The following FGF14 variants were observed in gnomAD, a reference collection of about 807,000 sequenced individuals.
The protein encoded by FGF14 is fibroblast growth factor 14, also known as fibroblast growth factor homologous factor 4.
A neutral mutation model predicts 25.5 loss-of-function variants in FGF14; 5 were observed. The ratio of observed to expected loss-of-function variants is 0.20; its 90% CI spans 0.10 to 0.41. The LOEUF is 0.41. FGF14 is among the 10% of genes least tolerant of loss of function. The pLI is 1.00. For missense variants in FGF14, 222 were observed against 320.1 expected, an observed-to-expected ratio of 0.69 and a Z score of 2.34; for synonymous variants, 138 against 118.3, an observed-to-expected ratio of 1.17 and a Z score of -1.08.
intron 3 of FGF14, among the ~76,000 whole-genome samples, chr13:101,855,235 C>T (rs1003631322): frequency 6.6e-6 from 1 of 152,016 alleles, no homozygotes; most frequent in African/African-American, 2.4e-5. Context: ...GGGTTTCCTA[C>T]TTTTGCACAA....
At chr13:102,137,510 G>A (rs948218252) in intron 1 of FGF14, among the ~76,000 whole-genome samples, 7 of 152,150 alleles carry the variant, frequency 4.6e-5, no homozygotes, top group African/African-American at 1.7e-4. Context: ...TTTAAACTTA[G>A]ATGAGGAATC....
At chr13:102,155,560 G>C (rs1266246663) in intron 1 of FGF14, among the ~76,000 whole-genome samples, 1 of 151,842 alleles carries the variant, frequency 6.6e-6, no homozygotes, top group Non-Finnish European at 1.5e-5. Context: ...AGAGAAAGCA[G>C]GAAAGATCTA....
chr13:102,189,162 CTG>C, intron 1 of FGF14, among the ~76,000 whole-genome samples: 1 of 151,598 alleles, frequency 6.6e-6, no homozygotes, highest in Non-Finnish European at 1.5e-5. Context: ...ACTCTGGAAA[CTG>C]TGAGAATGCT....
intron 1 of FGF14, among the ~76,000 whole-genome samples, chr13:102,080,778 G>T (rs1463401678): frequency 6.6e-6 from 1 of 152,180 alleles, no homozygotes; most frequent in Admixed American, 6.5e-5. Flanking sequence ...TGTTCTGTGG[G>T]AATAATCTAA....
intron 3 of FGF14, among the ~76,000 whole-genome samples, chr13:101,797,981 A>G (rs1430871997): frequency 6.6e-6 from 1 of 152,132 alleles, no homozygotes; most frequent in Non-Finnish European, 1.5e-5. Flanking sequence ...AGTAAATGGT[A>G]AGATTTGAAA....
chr13:102,098,363 T>C (rs1054220633), intron 1 of FGF14, among the ~76,000 whole-genome samples: 7 of 152,236 alleles, frequency 4.6e-5, no homozygotes, highest in Non-Finnish European at 1.0e-4. Context: ...TCTCTTAAGA[T>C]TTGTATCTTA....
chr13:101,908,620 G>A (rs1421475287), intron 1 of FGF14, among the ~76,000 whole-genome samples: 1 of 152,122 alleles, frequency 6.6e-6, no homozygotes. Context: ...AACATTCCAT[G>A]CTCATGGGTA....
chr13:101,938,290 A>AAATCCATTG (rs1370166994), intron 1 of FGF14, among the ~76,000 whole-genome samples: 10 of 152,232 alleles, frequency 6.6e-5, no homozygotes, highest in African/African-American at 2.4e-4. Flanking sequence ...ACAACAAAAA[A>AAATCCATTG]AATCCATTGG....
At chr13:102,364,501 C>T (rs1011043383) in intron 1 of FGF14, among the ~76,000 whole-genome samples, 6 of 152,172 alleles carry the variant, frequency 3.9e-5, no homozygotes, top group African/African-American at 1.4e-4. Flanking sequence ...TAGCTCTTCA[C>T]TATTTCATGC....
intron 3 of FGF14, among the ~76,000 whole-genome samples, chr13:101,754,652 C>G (rs2037522294): frequency 6.6e-6 from 1 of 152,028 alleles, no homozygotes; most frequent in South Asian, 2.1e-4. Context: ...TTGCTTGAAC[C>G]TGGGAGGCGG....
In FGF14 at chr13:102,108,091, TCATTA is replaced by T. The variant is rs2045018393; in HGVS notation, c.209-232800_209-232796del. Among the ~76,000 whole-genome samples, 3 of 152,246 alleles carry T rather than the reference TCATTA, an allele frequency of 2.0e-5. No individual in the cohort carries two copies. The South Asian group carries it at 6.2e-4, about 31-fold the overall frequency. ...TTATATTTAATAACTTATGAAATAGTCATTAAATAGGAGTTTAGTAAATATGATTA... is the reference window on the plus strand; with the variant it reads ...TTATATTTAATAACTTATGAAATAGTAATAGGAGTTTAGTAAATATGATTA... On this transcript the variant is annotated intron_variant, in intron 1 of 4. Transcript: ENST00000376131.
rs557970681 is a variant in FGF14 at position 102,276,196 on chromosome 13, A to G, written c.208+125275T>C. Among the ~76,000 whole-genome samples the G allele has an allele frequency of 3.3e-5, 5 of 151,280 alleles. 1 individual carries two copies. In the South Asian group the frequency reaches 1.0e-3, roughly 32 times the overall value. ...TAATTCTGAGATAATGTAAGTGAAA[A>G]CCATTGCACAGATGAAATCTCAGTC... On this transcript the variant is annotated intron_variant, in intron 1 of 4. Coordinates refer to the FGF14 transcript ENST00000376131.
At chr13:102,370,879 A>G (rs2057860412) in intron 1 of FGF14, among the ~76,000 whole-genome samples, 1 of 151,820 alleles carries the variant, frequency 6.6e-6, no homozygotes, top group African/African-American at 2.4e-5. Context: ...AATAACACAC[A>G]TAGTTCACAT....
chr13:102,318,972 G>A (rs752097374), intron 1 of FGF14, among the ~76,000 whole-genome samples: 3 of 152,132 alleles, frequency 2.0e-5, no homozygotes, highest in African/African-American at 4.8e-5. Context: ...TTGGGGTGTC[G>A]TGATTTTCAT....
chr13:102,104,907 T>C (rs779755615), intron 1 of FGF14, among the ~76,000 whole-genome samples: 3 of 152,198 alleles, frequency 2.0e-5, no homozygotes, highest in Non-Finnish European at 4.4e-5. Context: ...GTGCCCTATG[T>C]ACAAAGACAT....
chr13:102,393,263 T>C lies in FGF14; in HGVS notation c.208+8208A>G, dbSNP rs138083504. On this transcript the variant is annotated intron_variant, in intron 1 of 4. Coordinates refer to the FGF14 transcript ENST00000376131. ...TCATAATTGATCCTGTCTTTTGTCT[T>C]TCCTGCTAATTCCTTGAAGGAAGAA... 3.6e-3 allele frequency among the ~76,000 whole-genome samples: 555 copies of C among 152,346 alleles called. 1 individual carries two copies. Among genetic ancestry groups the C allele is most frequent in the African/African-American group, 0.013 (524 of 41,578 alleles).
intron 1 of FGF14, among the ~76,000 whole-genome samples, chr13:102,129,783 A>C (rs1377217194): frequency 1.3e-5 from 2 of 152,164 alleles, no homozygotes; most frequent in Non-Finnish European, 2.9e-5. Flanking sequence ...ACATGTATAC[A>C]TATGTAACAA....
chr13:102,153,758 A>G (rs2047192336), intron 1 of FGF14, among the ~76,000 whole-genome samples: 1 of 152,138 alleles, frequency 6.6e-6, no homozygotes, highest in Non-Finnish European at 1.5e-5. Flanking sequence ...AGAGTTAGCA[A>G]TGTATTTCTA....
chr13:102,161,704 A>G (rs1171968385), intron 1 of FGF14, among the ~76,000 whole-genome samples: 1 of 149,108 alleles, frequency 6.7e-6, no homozygotes, highest in Non-Finnish European at 1.5e-5. Flanking sequence ...GAAGAAGAAG[A>G]AGAAGAAGAA....
Sources: allele counts gnomAD v4.1 joint callset (sites outside exome capture counted in the v4.1 genomes callset), GRCh38; gene constraint gnomAD v4.1.1; transcripts MANE v1.5; gene names NCBI Gene and HGNC (gene_info 2026-07-23, HGNC 2026-07-21).